The following IL1RAPL1 variants were observed in gnomAD, a reference collection of about 807,000 sequenced individuals.
The protein encoded by IL1RAPL1 is interleukin-1 receptor accessory protein-like 1.
In IL1RAPL1, 3 loss-of-function variants were observed where a neutral mutation model predicts 48.4. The observed-to-expected ratio is 0.06, with a 90% CI of 0.03 to 0.16. The LOEUF is 0.16. IL1RAPL1 is among the 10% of genes least tolerant of loss of function. The pLI, the probability that IL1RAPL1 is intolerant of heterozygous loss-of-function variation, is 1.00. For missense variants in IL1RAPL1, 349 were observed against 530.6 expected (o/e 0.66, Z 3.36); for synonymous variants, 185 against 187.7 (o/e 0.99, Z 0.12).
At chrX:28,741,501 A>G (rs1464714628) in intron 1 of IL1RAPL1, among the ~76,000 whole-genome samples, 1 of 111,881 alleles carries the variant, frequency 8.9e-6, no homozygotes. Context: ...GTGTCTGTTT[A>G]CTCTGTTTAT....
chrX:28,700,705 C>T (rs149839338), intron 1 of IL1RAPL1, among the ~76,000 whole-genome samples: 280 of 110,610 alleles, frequency 2.5e-3, no homozygotes, highest in African/African-American at 8.8e-3. Context: ...TTCCCCTTTG[C>T]CTCCCACCCT....
chrX:28,612,553 G>T (rs893525415), intron 1 of IL1RAPL1, among the ~76,000 whole-genome samples: 2 of 112,058 alleles, frequency 1.8e-5, no homozygotes. Context: ...AAAGGGAGGG[G>T]CAGGAAACAG....
At chrX:29,176,381 C>T (rs1274438623) in intron 2 of IL1RAPL1, among the ~76,000 whole-genome samples, 2 of 107,807 alleles carry the variant, frequency 1.9e-5, no homozygotes, top group Non-Finnish European at 3.8e-5. Flanking sequence ...GTGGGTACTT[C>T]GCTTTTTTGA....
chrX:28,983,593 A>C (rs766025184), intron 2 of IL1RAPL1, among the ~76,000 whole-genome samples: 2 of 111,849 alleles, frequency 1.8e-5, no homozygotes, highest in East Asian at 5.6e-4. Flanking sequence ...TCATGGGGGC[A>C]TTTTTGCCCA....
At chrX:29,761,161 A>G (rs1928742152) in intron 6 of IL1RAPL1, among the ~76,000 whole-genome samples, 1 of 112,160 alleles carries the variant, frequency 8.9e-6, no homozygotes, top group Non-Finnish European at 1.9e-5. Flanking sequence ...TAAAATATAC[A>G]TAACATAAAG....
intron 2 of IL1RAPL1, among the ~76,000 whole-genome samples, chrX:29,156,047 C>A (rs1929563465): frequency 9.1e-6 from 1 of 109,920 alleles, no homozygotes; most frequent in Non-Finnish European, 1.9e-5. Flanking sequence ...TTGCATCTAC[C>A]CTCTTGACAC....
chrX:28,985,553 G>A (rs1305857211), intron 2 of IL1RAPL1, among the ~76,000 whole-genome samples: 1 of 111,855 alleles, frequency 8.9e-6, no homozygotes, highest in Non-Finnish European at 1.9e-5. Flanking sequence ...CTGAATTTTT[G>A]ATTAGCAAAT....
intron 1 of IL1RAPL1, among the ~76,000 whole-genome samples, chrX:28,660,963 G>A (rs1302515759): frequency 1.8e-5 from 2 of 111,430 alleles, no homozygotes; most frequent in Non-Finnish European, 3.8e-5. Context: ...GTACACCTTG[G>A]CCTCTTTCCA....
At chrX:29,076,923 T>C (rs928629462) in intron 2 of IL1RAPL1, among the ~76,000 whole-genome samples, 1 of 111,731 alleles carries the variant, frequency 9.0e-6, no homozygotes, top group Admixed American at 9.6e-5. Flanking sequence ...GTTGTGGATT[T>C]GGAAAAACTT....
chrX:29,407,759 G>C (rs1485768504), intron 5 of IL1RAPL1, among the ~76,000 whole-genome samples: 1 of 112,026 alleles, frequency 8.9e-6, no homozygotes, highest in Admixed American at 9.5e-5. Context: ...CGAATTGACT[G>C]TAGGGAGGAG....
At chrX:29,781,738 C>A (rs1284807110) in intron 6 of IL1RAPL1, among the ~76,000 whole-genome samples, 7 of 111,668 alleles carry the variant, frequency 6.3e-5, no homozygotes, top group African/African-American at 2.3e-4. Flanking sequence ...TGAGAATATA[C>A]AATGTTTCTT....
At chrX:29,562,471 T>C (rs1922269063) in intron 5 of IL1RAPL1, among the ~76,000 whole-genome samples, 1 of 110,806 alleles carries the variant, frequency 9.0e-6, no homozygotes, top group Non-Finnish European at 1.9e-5. Context: ...GTGTTAAGCT[T>C]GAAAAAATAA....
intron 2 of IL1RAPL1, among the ~76,000 whole-genome samples, chrX:29,268,585 C>CA (rs1352881715): frequency 2.7e-5 from 3 of 112,221 alleles, no homozygotes; most frequent in Non-Finnish European, 5.6e-5. Context: ...AGCCACCACA[C>CA]AGCCTTGGTT....
At chrX:29,149,882 G>T (rs1929426388) in intron 2 of IL1RAPL1, among the ~76,000 whole-genome samples, 1 of 111,749 alleles carries the variant, frequency 8.9e-6, no homozygotes, top group Non-Finnish European at 1.9e-5. Flanking sequence ...GGCATCAGAA[G>T]TGGAAAGGAA....
intron 2 of IL1RAPL1, among the ~76,000 whole-genome samples, chrX:29,167,737 G>A (rs1390522127): frequency 2.7e-5 from 3 of 110,397 alleles, no homozygotes; most frequent in Non-Finnish European, 1.9e-5. Context: ...TTAATACAGG[G>A]TGAATAAAAG....
chrX:29,467,426 A>T (rs768566086), intron 5 of IL1RAPL1, among the ~76,000 whole-genome samples: 1 of 112,409 alleles, frequency 8.9e-6, no homozygotes, highest in African/African-American at 3.2e-5. Context: ...GCATATTGAG[A>T]CTAGATATTT....
At chrX:29,428,535 A>G (rs1393375656) in intron 5 of IL1RAPL1, among the ~76,000 whole-genome samples, 1 of 110,526 alleles carries the variant, frequency 9.0e-6, no homozygotes, top group Non-Finnish European at 1.9e-5. Context: ...ATTACTACTA[A>G]TATTTGCTTT....
chrX:29,650,956 G>T (rs866804705), intron 5 of IL1RAPL1, among the ~76,000 whole-genome samples: 6 of 110,759 alleles, frequency 5.4e-5, no homozygotes, highest in Admixed American at 2.9e-4. Flanking sequence ...CATTAAAAAT[G>T]GGCAATAGAC....
chrX:29,160,054 T>G (rs1317581103), intron 2 of IL1RAPL1, among the ~76,000 whole-genome samples: 2 of 112,158 alleles, frequency 1.8e-5, no homozygotes, highest in African/African-American at 6.5e-5. Context: ...ATTTTCACAA[T>G]ATTGCTCTTG....
Sources: gnomAD v4.1 joint callset for allele counts (sites outside exome capture counted in the v4.1 genomes callset) on GRCh38, gnomAD v4.1.1 for gene constraint, MANE v1.5 for transcripts, NCBI Gene and HGNC (gene_info 2026-07-23, HGNC 2026-07-21) for gene names.